Variants in LYZL1 observed in about 807,000 individuals in gnomAD.
The protein encoded by LYZL1 is lysozyme-like protein 1.
In LYZL1, 16 loss-of-function variants were observed where a neutral mutation model predicts 17.9. That is an observed-to-expected ratio of 0.90 (90% CI 0.61 to 1.36). The LOEUF (loss-of-function observed/expected upper bound fraction) is 1.36. LYZL1 is among the 40% of genes most tolerant of loss of function. LYZL1 has a pLI of 0.00. For synonymous variants in LYZL1, 58 were observed against 71.8 expected (o/e 0.81, Z 0.97); for missense variants, 149 against 188.4 (o/e 0.79, Z 1.22).
intron 3 of LYZL1, among the ~76,000 whole-genome samples, chr10:29,303,217 C>T (rs1008692309): frequency 6.6e-6 from 1 of 152,162 alleles, no homozygotes; most frequent in Non-Finnish European, 1.5e-5. Flanking sequence ...TAGCTCCTGC[C>T]TCCCAGGTAT....
chr10:29,306,632 T>C (rs1279144206), intron 3 of LYZL1, among the ~76,000 whole-genome samples: 1 of 150,260 alleles, frequency 6.7e-6, no homozygotes, highest in Non-Finnish European at 1.5e-5. Context: ...TTAAAATTCA[T>C]AGTTTTTTGA....
Position 29,299,620 on chromosome 10 carries a change from C to T in LYZL1, c.298+6943C>T, listed in dbSNP as rs556465357. On this transcript the variant is annotated intron_variant, in intron 3 of 4. Coordinates refer to ENST00000649382, the MANE Select transcript of LYZL1 (RefSeq NM_032517.6). ...GCTTTGTTATTAGGCACATATTCAT[C>T]GAGGACTGTTATGTCTTTGTGGTGA... 4.1e-4 allele frequency among the ~76,000 whole-genome samples: 62 copies of T among 152,262 alleles called. 1 individual carries two copies. The highest frequency in any genetic ancestry group is 9.7e-4 in the East Asian group (5 of 5,170).
intron 3 of LYZL1, among the ~76,000 whole-genome samples, chr10:29,293,459 A>C (rs1835404958): frequency 6.6e-6 from 1 of 152,126 alleles, no homozygotes; most frequent in South Asian, 2.1e-4. Context: ...AAACATTAGA[A>C]ATTAAGCTAG....
At chr10:29,292,716 T>G in intron 3 of LYZL1, 39 bp downstream of exon 3, 1 of 1,579,672 alleles carries the variant, frequency 6.3e-7, no homozygotes, top group Non-Finnish European at 8.6e-7. Context: ...TCCTCAGGAC[T>G]AGGCGAGAAA....
chr10:29,315,269 G>A (rs1835716053), downstream of LYZL1, among the ~76,000 whole-genome samples: 1 of 151,838 alleles, frequency 6.6e-6, no homozygotes. Context: ...CAGCACTTTG[G>A]TAGGCCAAGG....
At chr10:29,310,211 C>T (rs372350425) in intron 4 of LYZL1, 23 bp downstream of exon 4, 1 of 1,556,892 alleles carries the variant, frequency 6.4e-7, no homozygotes, top group African/African-American at 1.4e-5. Context: ...TCTTGGGAGA[C>T]TTGTGCTGTC....
At chr10:29,292,296 T>C (rs955450682) in intron 2 of LYZL1, among the ~76,000 whole-genome samples, 22 of 151,512 alleles carry the variant, frequency 1.5e-4, no homozygotes, top group African/African-American at 5.1e-4. Context: ...ACTGTTGGTC[T>C]AGATTAGGCT....
In LYZL1 at chr10:29,293,127, C is replaced by CTTTT. The variant is rs778807136; in HGVS notation, c.298+453_298+456dup. Among the ~76,000 whole-genome samples, 224 of 104,164 alleles carry CTTTT rather than the reference C, an allele frequency of 2.2e-3. 21 individuals are homozygous for CTTTT. Among genetic ancestry groups the CTTTT allele is most frequent in the East Asian group, 3.2e-3 (12 of 3,808 alleles). 68.3% of individuals were successfully genotyped at this position (104,164 alleles called of 152,430 possible). ...TCTTTCTTTTTTTTTCTTTTCTTTT[C>CTTTT]TTTTTTCTTTTTTTTTTTTTTTTGA... On this transcript the variant is annotated intron_variant, in intron 3 of 4. Transcript: ENST00000649382.
Position 29,318,114 on chromosome 10 carries a change from AG to A in LYZL1, c.*139-36del, listed in dbSNP as rs1167978113. On this transcript the variant is annotated intron_variant and NMD_transcript_variant, in intron 4 of 4. Transcript: ENST00000494304. ...AGCAAAGGTGCAGATAGTGGCTGAA[AG>A]AAACCACCTGAAACTGAGGCTGTTT... 7 of 981,732 alleles carry A rather than the reference AG, an allele frequency of 7.1e-6. No individual in the cohort carries two copies. The Admixed American group carries it at 4.3e-4, about 60-fold the overall frequency. The allele number at this position is 981,732 out of a possible 1,614,324, so 60.8% of individuals were successfully genotyped here. A position where few individuals can be genotyped will look rare whatever the true frequency, so the allele number is the denominator to read the frequency against.
chr10:29,301,567 G>T (rs1349007324), intron 3 of LYZL1, among the ~76,000 whole-genome samples: 2 of 152,008 alleles, frequency 1.3e-5, no homozygotes, highest in Non-Finnish European at 2.9e-5. Flanking sequence ...TCTTATCTTT[G>T]TCCCCTGTAT....
intron 3 of LYZL1, among the ~76,000 whole-genome samples, chr10:29,303,375 C>T (rs1301280515): frequency 3.9e-5 from 6 of 152,162 alleles, no homozygotes; most frequent in Non-Finnish European, 8.8e-5. Flanking sequence ...GTTTTTCTCT[C>T]TCTCAAAGAT....
chr10:29,311,806 C>T (rs182430424), downstream of LYZL1, among the ~76,000 whole-genome samples: 7 of 151,656 alleles, frequency 4.6e-5, no homozygotes, highest in East Asian at 1.9e-4. Flanking sequence ...GGAGAAACCC[C>T]GTCTCTACTA....
At chr10:29,308,467 C>T (rs1360508963) in intron 3 of LYZL1, among the ~76,000 whole-genome samples, 1 of 152,212 alleles carries the variant, frequency 6.6e-6, no homozygotes, top group Non-Finnish European at 1.5e-5. Context: ...GAATATCTAG[C>T]ACCTCAAACC....
chr10:29,313,228 A>C (rs2132840943), downstream of LYZL1, among the ~76,000 whole-genome samples: 1 of 152,402 alleles, frequency 6.6e-6, no homozygotes, highest in East Asian at 1.9e-4. Flanking sequence ...AGAATTGAAA[A>C]GTAATTTTAT....
At chr10:29,301,555 T>C (rs1483213590) in intron 3 of LYZL1, among the ~76,000 whole-genome samples, 1 of 152,160 alleles carries the variant, frequency 6.6e-6, no homozygotes, top group Non-Finnish European at 1.5e-5. Flanking sequence ...AACCAATGAT[T>C]TTCTTATCTT....
downstream of LYZL1, among the ~76,000 whole-genome samples, chr10:29,313,802 A>T (rs933352276): frequency 3.3e-5 from 5 of 152,226 alleles, no homozygotes; most frequent in Admixed American, 2.6e-4. Context: ...TTTCTAAGAC[A>T]CTTGGAAGTA....
chr10:29,304,104 C>T (rs1033924814), intron 3 of LYZL1, among the ~76,000 whole-genome samples: 1 of 152,166 alleles, frequency 6.6e-6, no homozygotes, highest in South Asian at 2.1e-4. Context: ...ACTCTCATTC[C>T]AAATTGTATT....
chr10:29,310,470 G>C (rs1355155200), intron 4 of LYZL1, among the ~76,000 whole-genome samples: 2 of 151,648 alleles, frequency 1.3e-5, no homozygotes, highest in Non-Finnish European at 2.9e-5. Flanking sequence ...AAAGTGACTT[G>C]GAAAGGGTCA....
At chr10:29,293,251 G>T (rs1835401946) in intron 3 of LYZL1, among the ~76,000 whole-genome samples, 1 of 148,912 alleles carries the variant, frequency 6.7e-6, no homozygotes, top group Non-Finnish European at 1.5e-5. Flanking sequence ...TCCCTCCTCT[G>T]GGTAGCTAGA....
Sources: gnomAD v4.1 joint callset for allele counts (sites outside exome capture counted in the v4.1 genomes callset) on GRCh38, gnomAD v4.1.1 for gene constraint, MANE v1.5 for transcripts, NCBI Gene and HGNC (gene_info 2026-07-23, HGNC 2026-07-21) for gene names.